The following RYK variants were observed in gnomAD, a reference collection of about 807,000 sequenced individuals.
The protein encoded by RYK is inactive tyrosine-protein kinase RYK.
RYK carries 21 observed loss-of-function variants against 70.2 expected under a neutral mutation model. That is an observed-to-expected ratio of 0.30 (90% confidence interval 0.21 to 0.43). The LOEUF (loss-of-function observed/expected upper bound fraction) is 0.43. RYK is among the 20% of genes least tolerant of loss of function. RYK has a pLI of 1.00. For synonymous variants in RYK, 267 were observed against 278.0 expected (o/e 0.96, Z 0.39); for missense variants, 604 against 753.3 (o/e 0.80, Z 2.32).
At chr3:134,204,852 G>A (rs1278334506) in intron 5 of RYK, among the ~76,000 whole-genome samples, 1 of 152,072 alleles carries the variant, frequency 6.6e-6, no homozygotes, top group East Asian at 1.9e-4. Flanking sequence ...AATTTCACAC[G>A]GTCACTTAAC....
At chr3:134,176,398 C>G (rs141666707) in intron 11 of RYK, among the ~76,000 whole-genome samples, 5 of 152,216 alleles carry the variant, frequency 3.3e-5, no homozygotes, top group Non-Finnish European at 7.4e-5. Context: ...TTCCCCCAAA[C>G]AGTAGTTTTT....
intron 2 of RYK, among the ~76,000 whole-genome samples, chr3:134,216,012 G>A (rs1307233966): frequency 1.3e-5 from 2 of 149,752 alleles, no homozygotes; most frequent in Non-Finnish European, 1.5e-5. Flanking sequence ...CGCCAGTGTG[G>A]GTGACAGAGT....
intron 6 of RYK, 195 bp from the exon 7 acceptor site, chr3:134,195,377 C>T: frequency 2.1e-6 from 1 of 473,542 alleles, no homozygotes; most frequent in Non-Finnish European, 3.7e-6. Context: ...TCATTTCTAT[C>T]TCCAAAATCA....
chr3:134,195,718 G>A (rs1208271234), intron 6 of RYK, among the ~76,000 whole-genome samples: 1 of 152,280 alleles, frequency 6.6e-6, no homozygotes, highest in Non-Finnish European at 1.5e-5. Context: ...AGGCCAAGGC[G>A]GACAGATGAC....
intron 1 of RYK, 84 bp downstream of exon 1, chr3:134,250,339 C>T: frequency 2.5e-6 from 2 of 808,690 alleles, no homozygotes; most frequent in Admixed American, 4.6e-5. Context: ...CCGAGGTCCA[C>T]GGCTCGCAGA....
At chr3:134,165,649 C>G (rs2012640069) in intron 13 of RYK, among the ~76,000 whole-genome samples, 1 of 152,198 alleles carries the variant, frequency 6.6e-6, no homozygotes, top group African/African-American at 2.4e-5. Context: ...TTCCACCTAG[C>G]TGAGAGATGA....
At chr3:134,194,718 T>A (rs1483239622) in intron 7 of RYK, among the ~76,000 whole-genome samples, 1 of 152,186 alleles carries the variant, frequency 6.6e-6, no homozygotes, top group Non-Finnish European at 1.5e-5. Flanking sequence ...ATCAAACAAT[T>A]CCTTACAGTC....
rs180732211 is a variant in RYK at position 134,218,216 on chromosome 3, C to T, written c.354+4202G>A. Among the ~76,000 whole-genome samples, 190 of 152,324 alleles carry T rather than the reference C, an allele frequency of 1.2e-3. 2 individuals carry two copies. The highest frequency in any genetic ancestry group is 0.01 in the Admixed American group (155 of 15,294). On this transcript the variant is annotated intron_variant, in intron 2 of 14. Transcript: ENST00000623711. ...ACTTCCAGAAATAGAAAAGTCACCA[C>T]TCCTAAAGCCGCACATCCCAACTCT...
chr3:134,233,788 A>T (rs1338855841), intron 1 of RYK, among the ~76,000 whole-genome samples: 1 of 152,218 alleles, frequency 6.6e-6, no homozygotes, highest in Non-Finnish European at 1.5e-5. Flanking sequence ...CTATGAAGCC[A>T]TGAACAAAAC....
In RYK at chr3:134,218,672, A is replaced by G. The variant is rs542328753; in HGVS notation, c.354+3746T>C. Among the ~76,000 whole-genome samples, 8 of 152,338 alleles carry G rather than the reference A, an allele frequency of 5.3e-5. No individual in the cohort carries two copies. In the East Asian group the frequency reaches 1.5e-3, roughly 29 times the overall value. On this transcript the variant is annotated intron_variant, in intron 2 of 14. Coordinates refer to ENST00000623711, the MANE Select transcript of RYK (RefSeq NM_002958.4). ...TAGGAGGCAGAAAAGAAAGGCCGAG[A>G]CCAGATCATAAAGGCCTCCTACGAA...
chr3:134,237,704 A>T (rs1455751122), intron 1 of RYK, among the ~76,000 whole-genome samples: 2 of 152,212 alleles, frequency 1.3e-5, no homozygotes, highest in Non-Finnish European at 2.9e-5. Context: ...TCTCAACTAC[A>T]AAACAAAAAA....
At chr3:134,188,525 A>G (rs1238413822) in intron 9 of RYK, among the ~76,000 whole-genome samples, 1 of 152,226 alleles carries the variant, frequency 6.6e-6, no homozygotes, top group Non-Finnish European at 1.5e-5. Context: ...TATACCTGCA[A>G]AAGTATACCA....
intron 5 of RYK, 94 bp downstream of exon 5, chr3:134,207,378 C>T: frequency 3.0e-6 from 2 of 665,734 alleles, no homozygotes; most frequent in Admixed American, 3.4e-5. Context: ...TCATTTGATA[C>T]CATGAGGCCT....
intron 1 of RYK, among the ~76,000 whole-genome samples, chr3:134,226,755 CA>C (rs1388235800): frequency 6.6e-6 from 1 of 151,938 alleles, no homozygotes; most frequent in Non-Finnish European, 1.5e-5. Flanking sequence ...TGACAAAATT[CA>C]AAACCTATTA....
Position 134,209,141 on chromosome 3 carries a change from C to G in RYK, c.589+554G>C, listed in dbSNP as rs78276042. 3.2e-3 allele frequency among the ~76,000 whole-genome samples: 491 copies of G among 152,226 alleles called. 2 individuals are homozygous for G. The highest frequency in any genetic ancestry group is 0.011 in the African/African-American group (456 of 41,528). Reference sequence around the variant, plus strand: ...TCAAAACCAAAAAGAACTAACTTTGCTAAGTACCCACATACGGTATTCTAA... The same window carrying G: ...TCAAAACCAAAAAGAACTAACTTTGGTAAGTACCCACATACGGTATTCTAA... On this transcript the variant is annotated intron_variant, in intron 4 of 14. Coordinates refer to ENST00000623711, the MANE Select transcript of RYK (RefSeq NM_002958.4).
In RYK at chr3:134,250,408, G is replaced by A. The variant is rs1173460175; in HGVS notation, c.232+15C>T. 1 of 1,375,310 alleles carries A rather than the reference G, an allele frequency of 7.3e-7. No individual in the cohort carries two copies. The highest frequency in any genetic ancestry group is 1.6e-5 in the South Asian group (1 of 62,838). The allele number at this position is 1,375,310 out of a possible 1,614,324, so 85.2% of individuals were successfully genotyped here. A position where few individuals can be genotyped will look rare whatever the true frequency, so the allele number is the denominator to read the frequency against. ...GGCCCGACCTGCCCGCCCCGGCCTCGGCGGCCCCACTCACCGATCAGCCGG... is the reference window on the plus strand; with the variant it reads ...GGCCCGACCTGCCCGCCCCGGCCTCAGCGGCCCCACTCACCGATCAGCCGG... On this transcript the variant is annotated intron_variant, in intron 1 of 14. Coordinates refer to ENST00000623711, the MANE Select transcript of RYK (RefSeq NM_002958.4).
Position 134,195,113 on chromosome 3 carries a change from T to C in RYK, c.858A>G (p.Ala286=). ...TAGGAGTTGCATTGTTGGGCGTGTC[T>C]GCTCTCAGATACTGAGTCGTCTGGG... ...PSTQTTQYLR[A]DTPNNATPIT... The change falls in exon 7 of 15, where the codon GCA becomes GCG. Residue 286 remains alanine (A), a synonymous_variant. Coordinates refer to ENST00000623711, the MANE Select transcript of RYK (RefSeq NM_002958.4). The C allele has an allele frequency of 6.2e-7, 1 of 1,613,640 alleles. No individual in the cohort carries two copies. The highest frequency in any genetic ancestry group is 8.5e-7 in the Non-Finnish European group (1 of 1,179,638).
intron 13 of RYK, among the ~76,000 whole-genome samples, chr3:134,161,159 G>A (rs1033733502): frequency 1.3e-5 from 2 of 152,134 alleles, no homozygotes; most frequent in African/African-American, 4.8e-5. Context: ...ACAATATATC[G>A]TGGGGTTTAT....
At chr3:134,184,030 T>C (rs1336148330) in intron 9 of RYK, among the ~76,000 whole-genome samples, 1 of 152,208 alleles carries the variant, frequency 6.6e-6, no homozygotes, top group Non-Finnish European at 1.5e-5. Flanking sequence ...TTATACTTCC[T>C]AACCTAACAA....
Sources: gnomAD v4.1 joint callset for allele counts (sites outside exome capture counted in the v4.1 genomes callset) on GRCh38, gnomAD v4.1.1 for gene constraint, MANE v1.5 for transcripts, NCBI Gene and HGNC (gene_info 2026-07-23, HGNC 2026-07-21) for gene names.